The following SUSD4 variants were observed in gnomAD, a reference collection of about 807,000 sequenced individuals.
The protein encoded by SUSD4 is sushi domain containing 4.
SUSD4 carries 41 observed loss-of-function variants against 50.5 expected under a neutral mutation model. That is an observed-to-expected ratio of 0.81 (90% CI 0.63 to 1.05). The LOEUF (loss-of-function observed/expected upper bound fraction) is 1.05, where lower values mean the gene tolerates loss of function less well. Among genes scored for constraint, SUSD4 ranks in the 50% least tolerant of loss-of-function variants. The pLI is 0.00. For synonymous variants in SUSD4, 257 were observed against 257.3 expected, an observed-to-expected ratio of 1.00 and a Z score of 0.01; for missense variants, 580 against 634.7, an observed-to-expected ratio of 0.91 and a Z score of 0.93.
chr1:223,330,495 C>T (rs1344942338), intron 2 of SUSD4, among the ~76,000 whole-genome samples: 2 of 152,106 alleles, frequency 1.3e-5, no homozygotes, highest in Non-Finnish European at 2.9e-5. Context: ...TAAGAAGATT[C>T]AGAAAACAAC....
chr1:223,319,949 G>A (rs1341508688), intron 2 of SUSD4, among the ~76,000 whole-genome samples: 2 of 152,320 alleles, frequency 1.3e-5, no homozygotes, highest in Admixed American at 1.3e-4. Flanking sequence ...TAGGAAGGTG[G>A]TCTTGGCTGG....
intron 3 of SUSD4, among the ~76,000 whole-genome samples, chr1:223,281,337 C>G (rs1002526789): frequency 1.3e-5 from 2 of 152,030 alleles, no homozygotes; most frequent in African/African-American, 4.8e-5. Flanking sequence ...TCATAGACTG[C>G]TAGCAAGACT....
intron 2 of SUSD4, among the ~76,000 whole-genome samples, chr1:223,339,704 C>G (rs117877904): frequency 6.6e-6 from 1 of 152,142 alleles, no homozygotes; most frequent in Non-Finnish European, 1.5e-5. Context: ...GGGGCAAGGC[C>G]GAGGAATCGT....
chr1:223,325,319 T>C (rs10495206), intron 2 of SUSD4, among the ~76,000 whole-genome samples: 27,709 of 152,168 alleles, frequency 0.18, 3,066 homozygotes, highest in Non-Finnish European at 0.26. Context: ...AGAAAAGACA[T>C]GATTCTAACA....
Position 223,268,640 on chromosome 1 carries a change from G to A in SUSD4, c.397C>T (p.His133Tyr). ...RIPQIEDAEI[H>Y]NKTYRHGEKL... is the part of the protein sequence containing the mutation. ...TCTCCATGTCTATATGTCTTGTTAT[G>A]AATCTCAGCATCTTCGATTTGAGGG... The change falls in exon 4 of 9, where the codon CAT becomes TAT. Residue 133 changes from histidine (H) to tyrosine (Y), a missense_variant. By Grantham distance (83) the His-to-Tyr change is moderately conservative. Coordinates refer to ENST00000366878, the MANE Select transcript of SUSD4 (RefSeq NM_017982.4). 5 of 1,613,434 alleles carry A rather than the reference G, an allele frequency of 3.1e-6. No homozygotes were observed. Among genetic ancestry groups the A allele is most frequent in the Non-Finnish European group, 4.2e-6 (5 of 1,179,814 alleles).
At chr1:223,302,158 T>G (rs1436331723) in intron 2 of SUSD4, among the ~76,000 whole-genome samples, 1 of 152,166 alleles carries the variant, frequency 6.6e-6, no homozygotes, top group Non-Finnish European at 1.5e-5. Context: ...CCACGTAAGA[T>G]GTGCCTGCTT....
intron 3 of SUSD4, among the ~76,000 whole-genome samples, chr1:223,290,526 C>T (rs2103142796): frequency 8.1e-6 from 1 of 123,424 alleles, no homozygotes; most frequent in East Asian, 2.5e-4. Context: ...CACATCACGA[C>T]TGGAATCCAA....
At chr1:223,343,357 C>G (rs1375911615) in intron 2 of SUSD4, among the ~76,000 whole-genome samples, 1 of 152,166 alleles carries the variant, frequency 6.6e-6, no homozygotes, top group Non-Finnish European at 1.5e-5. Context: ...GCACTTTTTA[C>G]AGCTTGTACT....
intron 5 of SUSD4, among the ~76,000 whole-genome samples, chr1:223,244,844 G>A (rs1367615193): frequency 6.6e-6 from 1 of 152,166 alleles, no homozygotes; most frequent in Non-Finnish European, 1.5e-5. Context: ...AACTGCTCAC[G>A]TTACATCTAA....
At chr1:223,226,513 G>C (rs1488078777) in intron 7 of SUSD4, among the ~76,000 whole-genome samples, 1 of 152,212 alleles carries the variant, frequency 6.6e-6, no homozygotes, top group Non-Finnish European at 1.5e-5. Flanking sequence ...TAAGGGCAAA[G>C]GCGGGTAGGT....
chr1:223,271,326 G>A (rs1662906100), intron 3 of SUSD4, among the ~76,000 whole-genome samples: 1 of 152,178 alleles, frequency 6.6e-6, no homozygotes, highest in Non-Finnish European at 1.5e-5. Context: ...TGATTTCTCA[G>A]CATAGTGTTG....
chr1:223,344,044 C>T (rs1031582985), intron 2 of SUSD4, among the ~76,000 whole-genome samples: 2 of 152,162 alleles, frequency 1.3e-5, no homozygotes, highest in Non-Finnish European at 2.9e-5. Flanking sequence ...CTGAGACTTC[C>T]ACTAAATAGC....
intron 5 of SUSD4, among the ~76,000 whole-genome samples, chr1:223,246,170 A>T (rs958779129): frequency 1.3e-5 from 2 of 152,146 alleles, no homozygotes; most frequent in Admixed American, 6.5e-5. Context: ...TACAGGGACG[A>T]AAAAGATGGC....
chr1:223,275,026 T>A (rs912891436), intron 3 of SUSD4, among the ~76,000 whole-genome samples: 1 of 152,226 alleles, frequency 6.6e-6, no homozygotes, highest in Non-Finnish European at 1.5e-5. Context: ...TTTCATATAT[T>A]TTTTAAAAGT....
intron 5 of SUSD4, among the ~76,000 whole-genome samples, chr1:223,237,617 T>G (rs1309845617): frequency 6.6e-6 from 1 of 152,024 alleles, no homozygotes; most frequent in East Asian, 1.9e-4. Flanking sequence ...ATGATTTTTC[T>G]TTTTTAGTCA....
At chr1:223,232,846 C>G (rs1659984195) in intron 5 of SUSD4, among the ~76,000 whole-genome samples, 1 of 152,208 alleles carries the variant, frequency 6.6e-6, no homozygotes, top group Admixed American at 6.5e-5. Context: ...TTCTCAGGGT[C>G]TTAGCTTTCC....
At chr1:223,259,463 C>T (rs1011628452) in intron 5 of SUSD4, among the ~76,000 whole-genome samples, 1 of 152,202 alleles carries the variant, frequency 6.6e-6, no homozygotes, top group Non-Finnish European at 1.5e-5. Flanking sequence ...GTCTGTTCTT[C>T]TGACCCTTGC....
intron 2 of SUSD4, among the ~76,000 whole-genome samples, chr1:223,309,967 T>C (rs1467884267): frequency 6.6e-6 from 1 of 152,196 alleles, no homozygotes; most frequent in African/African-American, 2.4e-5. Context: ...ACTCCAGCAC[T>C]GTGGCTGGAC....
At chr1:223,344,930 G>A (rs913026153) in intron 2 of SUSD4, among the ~76,000 whole-genome samples, 38 of 152,140 alleles carry the variant, frequency 2.5e-4, no homozygotes, top group African/African-American at 7.0e-4. Context: ...AGAAATAATC[G>A]AAACTTCCTC....
Sources: gnomAD v4.1 joint callset for allele counts (sites outside exome capture counted in the v4.1 genomes callset) on GRCh38, gnomAD v4.1.1 for gene constraint, MANE v1.5 for transcripts, NCBI Gene and HGNC (gene_info 2026-07-23, HGNC 2026-07-21) for gene names.